The following COL6A1 variants were observed in gnomAD, a reference collection of about 807,000 sequenced individuals.
The protein encoded by COL6A1 is collagen alpha-1(VI) chain.
Under a neutral mutation model 145.6 loss-of-function variants are expected in COL6A1, and 80 were observed. The observed-to-expected ratio is 0.55, with a 90% CI of 0.46 to 0.66. The LOEUF (loss-of-function observed/expected upper bound fraction) is 0.66, where lower values mean the gene tolerates loss of function less well. Ranked by LOEUF, COL6A1 falls within the 30% of genes least tolerant of loss-of-function variation. The probability of loss-of-function intolerance (pLI) is 0.00; values close to 1 mark genes in which losing one functional copy is unlikely to be tolerated. For synonymous variants in COL6A1, 638 were observed against 622.8 expected, an observed-to-expected ratio of 1.02 and a Z score of -0.36; for missense variants, 1,364 against 1,473.8, an observed-to-expected ratio of 0.93 and a Z score of 1.22.
chr21:45,982,581 A>T, intron 1 of COL6A1, 53 bp from the exon 2 acceptor site: 6 of 1,610,560 alleles, frequency 3.7e-6, no homozygotes, highest in Non-Finnish European at 5.1e-6. Context: ...CCCAGCAGAG[A>T]CTCGGGGAAT....
intron 24 of COL6A1, among the ~76,000 whole-genome samples, 200 bp downstream of exon 24, chr21:45,998,633 G>T (rs918046657): frequency 6.6e-6 from 1 of 152,188 alleles, no homozygotes; most frequent in East Asian, 1.9e-4. Flanking sequence ...CTCCCACTGT[G>T]GTGTGGCCTG....
Position 45,998,241 on chromosome 21 carries a change from G to A in COL6A1, c.1575+70G>A, listed in dbSNP as rs142555625. 1.0e-5 allele frequency: 16 copies of A among 1,588,690 alleles called. No individual in the cohort carries two copies. In the African/African-American group the frequency reaches 1.3e-4, roughly 13 times the overall value. On this transcript the variant is annotated intron_variant, in intron 23 of 34. Coordinates refer to ENST00000361866, the MANE Select transcript of COL6A1 (RefSeq NM_001848.3). Reference sequence around the variant, plus strand: ...CTGCGGCGCCCTCTTTAGTGGACTGGGCACTCTTGGGTGGGCGGGCTGGCC... The same window carrying A: ...CTGCGGCGCCCTCTTTAGTGGACTGAGCACTCTTGGGTGGGCGGGCTGGCC...
At position 46,002,152 on chromosome 21, in the gene COL6A1, C is replaced by G. The variant is rs544964676; in HGVS notation, c.2067-66C>G. 8.9e-6 allele frequency: 14 copies of G among 1,574,496 alleles called. No individual in the cohort carries two copies. In the East Asian group the frequency reaches 9.2e-5, roughly 10 times the overall value. On this transcript the variant is annotated intron_variant, in intron 31 of 34. Coordinates refer to ENST00000361866, the MANE Select transcript of COL6A1 (RefSeq NM_001848.3). ...CGGCAGGTCGGCCCTGACCCCTGAT[C>G]CCAGGTGGGCTCGGCCCCGCGGCAG...
At position 46,000,344 on chromosome 21, in the gene COL6A1, T is replaced by G. The variant is rs201365474; in HGVS notation, c.1790T>G (p.Leu597Trp). The G allele has an allele frequency of 5.5e-5, 88 of 1,613,862 alleles. No homozygotes were observed. The highest frequency in any genetic ancestry group is 7.3e-5 in the Non-Finnish European group (86 of 1,179,892). The change falls in exon 28 of 35, where the codon TTG becomes TGG. Residue 597 changes from leucine (L) to tryptophan (W), a missense_variant. Leu to Trp is a moderately conservative substitution (Grantham distance 61). Coordinates refer to ENST00000361866, the MANE Select transcript of COL6A1 (RefSeq NM_001848.3). The stretch of plus-strand genomic sequence containing the variant: ...CTCCCTCCCCAGGAATGCGAGATTT[T>G]GGACATCATCATGAAAATGTGCTGT... ...GPPGPDECEI[L>W]DIIMKMCSCC...
At chr21:46,000,240 C>G (rs2077835511) in intron 27 of COL6A1, 91 bp from the exon 28 acceptor site, 2 of 1,533,058 alleles carry the variant, frequency 1.3e-6, no homozygotes, top group Non-Finnish European at 1.8e-6. Flanking sequence ...TGTGGGGGCC[C>G]CAGGGAGGGT....
chr21:45,986,898 T>C, intron 4 of COL6A1, 46 bp from the exon 5 acceptor site: 1 of 1,536,472 alleles, frequency 6.5e-7, no homozygotes, highest in Non-Finnish European at 8.7e-7. Context: ...GCCCCGGCCG[T>C]CAGGGGTCCC....
At chr21:45,985,278 G>A (rs778766773) in intron 3 of COL6A1, among the ~76,000 whole-genome samples, 50 of 138,980 alleles carry the variant, frequency 3.6e-4, no homozygotes, top group Admixed American at 1.1e-3. Flanking sequence ...AGAGACAGAG[G>A]GACAGAGACA....
chr21:45,982,710 C>A lies in COL6A1; in HGVS notation c.174C>A (p.Leu58=). 1 of 1,612,810 alleles carries A rather than the reference C, an allele frequency of 6.2e-7. No individual in the cohort carries two copies. The highest frequency in any genetic ancestry group is 1.7e-5 in the Admixed American group (1 of 60,016). Residue 58 remains leucine (L), a synonymous_variant, in exon 2 of 35, where the codon CTC becomes CTA. Coordinates refer to ENST00000361866, the MANE Select transcript of COL6A1 (RefSeq NM_001848.3). ...VALRLKPYGA[L]VDKVKSFTKR... Reference sequence around the variant, plus strand: ...TGAGGCTGAAGCCCTACGGGGCCCTCGTGGACAAAGTCAAGTCCTTCACCA... The same window carrying A: ...TGAGGCTGAAGCCCTACGGGGCCCTAGTGGACAAAGTCAAGTCCTTCACCA...
chr21:46,000,236 G>T lies in COL6A1; in HGVS notation c.1777-95G>T, dbSNP rs1261458754. The T allele has an allele frequency of 2.7e-6, 4 of 1,486,656 alleles. No homozygotes were observed. In the African/African-American group the frequency reaches 4.1e-5, roughly 15 times the overall value. The allele number at this position is 1,486,656 out of a possible 1,614,324, so 92.1% of individuals were successfully genotyped here. A position where few individuals can be genotyped will look rare whatever the true frequency, so the allele number is the denominator to read the frequency against. ...TCCTGCCCAAACCCCGCCCTGTGGG[G>T]GCCCCAGGGAGGGTGACCTGGAGAT... On this transcript the variant is annotated intron_variant, in intron 27 of 34. Coordinates refer to ENST00000361866, the MANE Select transcript of COL6A1 (RefSeq NM_001848.3).
At chr21:45,999,315 G>C in intron 26 of COL6A1, 97 bp downstream of exon 26, 1 of 1,251,450 alleles carries the variant, frequency 8.0e-7, no homozygotes, top group Non-Finnish European at 1.1e-6. Flanking sequence ...AGAGTGGGAG[G>C]CGGCGGGAGG....
intron 27 of COL6A1, 110 bp downstream of exon 27, chr21:45,999,802 G>T: frequency 1.1e-6 from 1 of 898,458 alleles, no homozygotes. Context: ...CGGGGGGGTG[G>T]GTTGTGGACA....
chr21:45,984,191 G>C (rs945465114), intron 2 of COL6A1, 78 bp from the exon 3 acceptor site: 27 of 1,394,480 alleles, frequency 1.9e-5, no homozygotes, highest in Non-Finnish European at 2.6e-5. Flanking sequence ...GTCCATCTGG[G>C]TGACGTCGCG....
chr21:46,004,158 C>T lies in COL6A1; in HGVS notation c.*145C>T, dbSNP rs183023506. ...AAAAGCTTGGAAAGCCAGGACACAA[C>T]GCTGCTGCCTGCTTTGTGCAGGGTC... On this transcript the variant is annotated 3_prime_UTR_variant, in exon 35 of 35. Transcript: ENST00000361866. The T allele has an allele frequency of 6.3e-4, 719 of 1,137,622 alleles. 7 individuals are homozygous for T. The highest frequency in any genetic ancestry group is 5.0e-3 in the Middle Eastern group (17 of 3,408). The allele number at this position is 1,137,622 out of a possible 1,614,324, so 70.5% of individuals were successfully genotyped here.
rs375318905 is a variant in COL6A1, at chr21:46,001,964, G to A, written c.1960G>A (p.Glu654Lys). The stretch of plus-strand genomic sequence containing the variant: ...GACCCCGGTGCCGGTCCCACAGTTC[G>A]AGCCAGGGCAGTCGTACGCGGGTGT... ...RLSRDELVKF[E>K]PGQSYAGVVQ... is the part of the protein sequence containing the mutation. Residue 654 changes from glutamate (E) to lysine (K), a missense_variant, in exon 31 of 35, where the codon GAG becomes AAG. Around this residue, in one of 3 missense-constraint regions of COL6A1, gnomAD observed 938 missense variants for 1,003.8 expected, o/e 0.93. Transcript: ENST00000361866. 1.6e-5 allele frequency: 25 copies of A among 1,612,106 alleles called. No individual in the cohort carries two copies. Among genetic ancestry groups the A allele is most frequent in the Admixed American group, 1.0e-4 (6 of 59,966 alleles).
At position 46,003,571 on chromosome 21, in the gene COL6A1, G is replaced by A. The variant is rs1274335165; in HGVS notation, c.2645G>A (p.Gly882Asp). The stretch of plus-strand genomic sequence containing the variant: ...GCGGTGGTGCAGTACAGCGGCACGG[G>A]CCAGCAGCGCCCAGAGCGGGCGTCG... ...RVAVVQYSGT[G>D]QQRPERASLQ... Residue 882 changes from glycine to aspartate, a missense_variant, in exon 35 of 35, where the codon GGC becomes GAC. Coordinates refer to ENST00000361866, the MANE Select transcript of COL6A1 (RefSeq NM_001848.3). The A allele has an allele frequency of 6.2e-7, 1 of 1,612,578 alleles. No individual in the cohort carries two copies. Among genetic ancestry groups the A allele is most frequent in the Non-Finnish European group, 8.5e-7 (1 of 1,179,720 alleles).
At chr21:45,990,077 G>A (rs998332761) in intron 11 of COL6A1, among the ~76,000 whole-genome samples, 181 bp from the exon 12 acceptor site, 1 of 41,970 alleles carries the variant, frequency 2.4e-5, no homozygotes, top group African/African-American at 8.8e-5. Context: ...GGGGTCCCCC[G>A]GGCGGTTACC....
At chr21:45,986,379 T>C in intron 3 of COL6A1, 147 bp from the exon 4 acceptor site, 1 of 737,332 alleles carries the variant, frequency 1.4e-6, no homozygotes, top group Non-Finnish European at 2.2e-6. Flanking sequence ...GAGGTTCTTT[T>C]CAGTAACCCC....
At chr21:46,000,499 C>T in intron 28 of COL6A1, 132 bp downstream of exon 28, 1 of 1,213,062 alleles carries the variant, frequency 8.2e-7, no homozygotes, top group East Asian at 2.4e-5. Context: ...GGCTCCTCAG[C>T]CAGCCCCTAC....
chr21:45,999,222 G>GGCCGGACGAATGC lies in COL6A1; in HGVS notation c.1740+5_1740+6insCCGGACGAATGCG. The stretch of plus-strand genomic sequence containing the variant: ...CCGGGGTCCCGAGGGCCCCCAGGTG[G>GGCCGGACGAATGC]GTGGATGTGGCTGGGTGAGGCCACG... On this transcript the variant is annotated splice_donor_region_variant and intron_variant, in intron 26 of 34. Transcript: ENST00000361866. The GGCCGGACGAATGC allele has an allele frequency of 6.3e-7, 1 of 1,592,558 alleles. No individual in the cohort carries two copies. Among genetic ancestry groups the GGCCGGACGAATGC allele is most frequent in the Non-Finnish European group, 8.5e-7 (1 of 1,170,548 alleles).
Sources: gnomAD v4.1 joint callset for allele counts (sites outside exome capture counted in the v4.1 genomes callset) on GRCh38, gnomAD v4.1.1 for gene constraint, gnomAD v4.1.1 regional missense constraint, MANE v1.5 for transcripts, NCBI Gene and HGNC (gene_info 2026-07-23, HGNC 2026-07-21) for gene names.